Variants in MGLL observed in about 807,000 individuals in gnomAD.
MGLL encodes the protein lysophospholipase homolog.
A neutral mutation model predicts 29.1 loss-of-function variants in MGLL; 7 were observed. The observed-to-expected ratio is 0.24, with a 90% CI of 0.14 to 0.45. The LOEUF (loss-of-function observed/expected upper bound fraction) is 0.45. Among genes scored for constraint, MGLL ranks in the 20% least tolerant of loss-of-function variants. MGLL has a pLI of 0.99. For synonymous variants in MGLL, 148 were observed against 168.3 expected, an observed-to-expected ratio of 0.88 and a Z score of 0.93; for missense variants, 356 against 413.6, an observed-to-expected ratio of 0.86 and a Z score of 1.21.
intron 3 of MGLL, among the ~76,000 whole-genome samples, chr3:127,737,408 G>A (rs78437385): frequency 6.6e-6 from 1 of 151,374 alleles, no homozygotes; most frequent in African/African-American, 2.4e-5. Context: ...AGAAGGTGCT[G>A]TGAGAATTAG....
At chr3:127,763,537 A>G (rs868131768) in intron 3 of MGLL, among the ~76,000 whole-genome samples, 1 of 152,232 alleles carries the variant, frequency 6.6e-6, no homozygotes. Flanking sequence ...CTGCCACAGC[A>G]GCCACGGCCA....
rs2107571430 is a variant in MGLL at position 127,690,840 on chromosome 3, G to T, written c.*1358C>A. 2 of 152,922 alleles carry T rather than the reference G, an allele frequency of 1.3e-5. 1 individual carries two copies. The highest frequency in any genetic ancestry group is 4.1e-4 in the South Asian group (2 of 4,836). 9.5% of individuals were successfully genotyped at this position (152,922 alleles called of 1,614,324 possible). A position where few individuals can be genotyped will look rare whatever the true frequency, so the allele number is the denominator to read the frequency against. On this transcript the variant is annotated 3_prime_UTR_variant, in exon 8 of 8. Coordinates refer to ENST00000265052, the MANE Select transcript of MGLL (RefSeq NM_007283.7). The stretch of plus-strand genomic sequence containing the variant: ...TGGGGTGGTATTGGCACCTGAGAAG[G>T]GCAGGCTAGGCCCAGGGCCTCAGCT...
At chr3:127,723,102 G>A (rs1355282535) in intron 3 of MGLL, among the ~76,000 whole-genome samples, 1 of 152,230 alleles carries the variant, frequency 6.6e-6, no homozygotes, top group Non-Finnish European at 1.5e-5. Context: ...TTGCCAGAAA[G>A]CGTCTCGACG....
At chr3:127,735,040 G>A (rs1034776436) in intron 3 of MGLL, among the ~76,000 whole-genome samples, 4 of 152,250 alleles carry the variant, frequency 2.6e-5, no homozygotes, top group African/African-American at 9.6e-5. Flanking sequence ...GGAGGAGCCC[G>A]ACGTGGGAGT....
rs567042043 is a variant in MGLL, at chr3:127,787,708, T to C, written c.156-5813A>G. Among the ~76,000 whole-genome samples, 4 of 152,328 alleles carry C rather than the reference T, an allele frequency of 2.6e-5. No homozygotes were observed. The South Asian group carries it at 8.3e-4, about 32-fold the overall frequency. On this transcript the variant is annotated intron_variant, in intron 2 of 7. Transcript: ENST00000265052. ...GAGGGGTGGGAGCATCGCCTGCCGC[T>C]CCAGGCAGTGCCTGCTCTTGGTTCT...
At chr3:127,814,457 C>T (rs2077718306) in intron 2 of MGLL, among the ~76,000 whole-genome samples, 1 of 152,188 alleles carries the variant, frequency 6.6e-6, no homozygotes, top group African/African-American at 2.4e-5. Flanking sequence ...AAAATTTGCA[C>T]CAGTAAAGAC....
At chr3:127,700,735 T>G (rs7633484) in intron 6 of MGLL, among the ~76,000 whole-genome samples, 21,701 of 152,174 alleles carry the variant, frequency 0.14, 1,895 homozygotes, top group East Asian at 0.28. Flanking sequence ...CAAGACAGTG[T>G]CCACAATGGG....
At chr3:127,767,636 C>T (rs755867731) in intron 3 of MGLL, among the ~76,000 whole-genome samples, 1 of 152,168 alleles carries the variant, frequency 6.6e-6, no homozygotes, top group Non-Finnish European at 1.5e-5. Context: ...CACTCTGTTC[C>T]ATAAGAGTGT....
At chr3:127,717,355 G>A (rs1048458483) in intron 5 of MGLL, among the ~76,000 whole-genome samples, 7 of 152,204 alleles carry the variant, frequency 4.6e-5, no homozygotes, top group Non-Finnish European at 8.8e-5. Context: ...GGGGTGAAAG[G>A]GGGTATCCTG....
At chr3:127,811,971 C>T (rs1195908547) in intron 2 of MGLL, among the ~76,000 whole-genome samples, 1 of 152,262 alleles carries the variant, frequency 6.6e-6, no homozygotes, top group Non-Finnish European at 1.5e-5. Flanking sequence ...GGCTGAGTAA[C>T]AGCAATAGAT....
At chr3:127,786,217 T>A (rs2077210544) in intron 2 of MGLL, among the ~76,000 whole-genome samples, 1 of 152,242 alleles carries the variant, frequency 6.6e-6, no homozygotes, top group Non-Finnish European at 1.5e-5. Context: ...CTGCTGCTAA[T>A]GGAGTGGGAG....
intron 3 of MGLL, among the ~76,000 whole-genome samples, chr3:127,726,589 C>A (rs574977155): frequency 3.9e-4 from 59 of 152,160 alleles, no homozygotes; most frequent in Admixed American, 1.7e-3. Flanking sequence ...CCACCATGCC[C>A]AGCTAATTTT....
At chr3:127,806,106 T>A (rs903080048) in intron 2 of MGLL, among the ~76,000 whole-genome samples, 2 of 152,212 alleles carry the variant, frequency 1.3e-5, no homozygotes, top group African/African-American at 2.4e-5. Context: ...CTAAATGCAC[T>A]GAATGGCCAG....
chr3:127,745,066 A>G (rs565945081), intron 3 of MGLL, among the ~76,000 whole-genome samples: 1 of 152,234 alleles, frequency 6.6e-6, no homozygotes. Flanking sequence ...ATCCGGGTAC[A>G]GACCACAGCT....
At chr3:127,820,172 T>A (rs76596294) in intron 2 of MGLL, among the ~76,000 whole-genome samples, 3,012 of 152,304 alleles carry the variant, frequency 0.02, 46 homozygotes, top group Non-Finnish European at 0.032. Context: ...CTTAAGCCCA[T>A]CAGCACCCAC....
chr3:127,752,421 T>C (rs1001993888), intron 3 of MGLL, among the ~76,000 whole-genome samples: 1 of 152,210 alleles, frequency 6.6e-6, no homozygotes, highest in Non-Finnish European at 1.5e-5. Context: ...TATGGCCTTC[T>C]TTTTCTTTCC....
chr3:127,816,579 G>A (rs573993453), intron 2 of MGLL, among the ~76,000 whole-genome samples: 2 of 152,290 alleles, frequency 1.3e-5, no homozygotes, highest in South Asian at 4.1e-4. Context: ...TTACGAGGAC[G>A]CAAGAAGGGG....
At chr3:127,768,985 C>T (rs577286263) in intron 3 of MGLL, among the ~76,000 whole-genome samples, 5 of 152,218 alleles carry the variant, frequency 3.3e-5, no homozygotes, top group Non-Finnish European at 7.3e-5. Flanking sequence ...ACCATACTCA[C>T]AGCCCTCATA....
At chr3:127,692,382 G>C in intron 7 of MGLL, 59 bp from the exon 8 acceptor site, 1 of 1,605,250 alleles carries the variant, frequency 6.2e-7, no homozygotes, top group Non-Finnish European at 8.5e-7. Context: ...TGCAGGGAGC[G>C]GAGACCGTGG....
Sources: allele counts gnomAD v4.1 joint callset (sites outside exome capture counted in the v4.1 genomes callset), GRCh38; gene constraint gnomAD v4.1.1; transcripts MANE v1.5; gene names NCBI Gene and HGNC (gene_info 2026-07-23, HGNC 2026-07-21).